The following FUT9 variants were observed in gnomAD, a reference collection of about 807,000 sequenced individuals.
FUT9 encodes the protein 4-galactosyl-N-acetylglucosaminide 3-alpha-L-fucosyltransferase 9.
A neutral mutation model predicts 29.7 loss-of-function variants in FUT9; 15 were observed. That is an observed-to-expected ratio of 0.51 (90% CI 0.34 to 0.78). FUT9 has a LOEUF of 0.78. Ranked by LOEUF, FUT9 falls within the 30% of genes least tolerant of loss-of-function variation. The pLI is 0.01. For missense variants in FUT9, 319 were observed against 425.4 expected (o/e 0.75, Z 2.20); for synonymous variants, 169 against 153.7 (o/e 1.10, Z -0.74).
At chr6:96,175,320 G>C (rs1307816526) in intron 2 of FUT9, among the ~76,000 whole-genome samples, 1 of 152,122 alleles carries the variant, frequency 6.6e-6, no homozygotes, top group Admixed American at 6.6e-5. Context: ...TCTTTACTGA[G>C]TAAAGGTAAG....
At chr6:96,040,458 A>G (rs1770439976) in intron 1 of FUT9, among the ~76,000 whole-genome samples, 1 of 152,214 alleles carries the variant, frequency 6.6e-6, no homozygotes, top group Admixed American at 6.5e-5. Flanking sequence ...ATAAAGCTGG[A>G]AGTAGAAAAG....
intron 1 of FUT9, among the ~76,000 whole-genome samples, chr6:96,059,564 A>T (rs759131470): frequency 1.3e-5 from 2 of 152,226 alleles, no homozygotes; most frequent in Non-Finnish European, 2.9e-5. Context: ...CTGGATCAGG[A>T]AAAATAACAA....
At chr6:96,064,069 C>G (rs4002794) in intron 1 of FUT9, among the ~76,000 whole-genome samples, 84,463 of 151,846 alleles carry the variant, frequency 0.56, 23,587 homozygotes, top group South Asian at 0.64. Context: ...GTTCACAGGA[C>G]AGTTAGTGTA....
At chr6:96,048,309 G>A (rs67458184) in intron 1 of FUT9, among the ~76,000 whole-genome samples, 18,380 of 152,166 alleles carry the variant, frequency 0.12, 1,325 homozygotes, top group Non-Finnish European at 0.17. Context: ...GACATCTTCT[G>A]GGGGATGGGG....
chr6:96,031,509 G>GC (rs969477989), intron 1 of FUT9, among the ~76,000 whole-genome samples: 1 of 151,402 alleles, frequency 6.6e-6, no homozygotes, highest in Non-Finnish European at 1.5e-5. Context: ...TAGGGTGACT[G>GC]CCCCCCAAGA....
intron 1 of FUT9, among the ~76,000 whole-genome samples, chr6:96,045,672 A>G (rs1770550123): frequency 6.6e-6 from 1 of 152,216 alleles, no homozygotes; most frequent in Non-Finnish European, 1.5e-5. Context: ...GTGACTGTGT[A>G]GTTCCTGTAG....
At chr6:96,072,150 G>A (rs1050621843) in intron 1 of FUT9, among the ~76,000 whole-genome samples, 2 of 152,102 alleles carry the variant, frequency 1.3e-5, no homozygotes, top group Admixed American at 1.3e-4. Flanking sequence ...GAAACTAGGG[G>A]TTTAGAGATG....
At chr6:96,087,871 C>A (rs1011985327) in intron 1 of FUT9, among the ~76,000 whole-genome samples, 2 of 152,180 alleles carry the variant, frequency 1.3e-5, no homozygotes, top group African/African-American at 4.8e-5. Flanking sequence ...CCACAAGGAT[C>A]ATTTCTTCTG....
intron 2 of FUT9, among the ~76,000 whole-genome samples, chr6:96,156,482 A>G (rs889696995): frequency 1.3e-5 from 2 of 152,160 alleles, no homozygotes; most frequent in African/African-American, 4.8e-5. Flanking sequence ...GCAGGTTGCC[A>G]GTTTTCCTTC....
In FUT9 at chr6:96,047,338, C is replaced by T. The variant is rs190985501; in HGVS notation, c.-98+31126C>T. 7.6e-4 allele frequency among the ~76,000 whole-genome samples: 116 copies of T among 152,294 alleles called. 1 individual carries two copies. Among genetic ancestry groups the T allele is most frequent in the African/African-American group, 2.7e-3 (113 of 41,574 alleles). On this transcript the variant is annotated intron_variant, in intron 1 of 2. Transcript: ENST00000302103. ...TTTAAGCTTCATTGGCTTCACAGGA[C>T]ATTTGCCTCTGCTTCTAGGTATACA...
intron 1 of FUT9, among the ~76,000 whole-genome samples, chr6:96,102,651 T>G (rs11156196): frequency 0.17 from 25,968 of 152,142 alleles, 2,424 homozygotes; most frequent in Non-Finnish European, 0.19. Context: ...TTACTTAAAA[T>G]CACATATGAT....
intron 1 of FUT9, among the ~76,000 whole-genome samples, chr6:96,032,128 A>G (rs564756862): frequency 6.6e-6 from 1 of 151,790 alleles, no homozygotes; most frequent in South Asian, 2.1e-4. Flanking sequence ...GGACTTTTAA[A>G]AAAAATCCAG....
intron 2 of FUT9, among the ~76,000 whole-genome samples, chr6:96,140,034 T>G (rs573813815): frequency 6.6e-6 from 1 of 152,338 alleles, no homozygotes; most frequent in Admixed American, 6.5e-5. Context: ...TTTTTCAAAC[T>G]TTTATACTCT....
chr6:96,089,105 C>T (rs976129731), intron 1 of FUT9, among the ~76,000 whole-genome samples: 1 of 152,178 alleles, frequency 6.6e-6, no homozygotes, highest in African/African-American at 2.4e-5. Context: ...GGAATACAAA[C>T]TATAACTATT....
At position 96,192,904 on chromosome 6, in the gene FUT9, C is replaced by G. The variant is rs1381989440; in HGVS notation, c.-8-10244C>G. On this transcript the variant is annotated intron_variant, in intron 2 of 2. Transcript: ENST00000302103. The stretch of plus-strand genomic sequence containing the variant: ...AGCCCTCCGAAATAATGCTGCATAT[C>G]TACAACTATCTAATCTTTGACAAAC... 4.1e-4 allele frequency among the ~76,000 whole-genome samples: 62 copies of G among 151,934 alleles called. No individual in the cohort carries two copies. The South Asian group carries it at 0.012, about 30-fold the overall frequency.
chr6:96,096,831 A>G (rs1005889040), intron 1 of FUT9, among the ~76,000 whole-genome samples: 21 of 152,068 alleles, frequency 1.4e-4, no homozygotes, highest in African/African-American at 5.1e-4. Flanking sequence ...GGAGCTCAAA[A>G]TGATCTAGCA....
chr6:96,024,797 T>C (rs1454956078), intron 1 of FUT9, among the ~76,000 whole-genome samples: 1 of 151,788 alleles, frequency 6.6e-6, no homozygotes, highest in Admixed American at 6.6e-5. Context: ...GTCAATTTTA[T>C]CAGAATTCTA....
intron 1 of FUT9, among the ~76,000 whole-genome samples, chr6:96,045,064 A>G (rs1351523092): frequency 2.0e-5 from 3 of 152,196 alleles, no homozygotes; most frequent in Non-Finnish European, 2.9e-5. Context: ...AGGCTCACTG[A>G]ACAGGAGAAT....
At chr6:96,018,413 G>C (rs1286909536) in intron 1 of FUT9, among the ~76,000 whole-genome samples, 1 of 152,054 alleles carries the variant, frequency 6.6e-6, no homozygotes, top group African/African-American at 2.4e-5. Flanking sequence ...CAAATAACTA[G>C]TCTGCCAAAA....
Sources: gnomAD v4.1 joint callset for allele counts (sites outside exome capture counted in the v4.1 genomes callset) on GRCh38, gnomAD v4.1.1 for gene constraint, MANE v1.5 for transcripts, NCBI Gene and HGNC (gene_info 2026-07-23, HGNC 2026-07-21) for gene names.